PHACTR1: variants seen among roughly 807,000 people sequenced by gnomAD.
The protein encoded by PHACTR1 is RPEL repeat containing 1.
A neutral mutation model predicts 69.2 loss-of-function variants in PHACTR1; 16 were observed. The observed-to-expected ratio is 0.23, with a 90% CI of 0.16 to 0.35. PHACTR1 has a LOEUF of 0.35. Among genes scored for constraint, PHACTR1 ranks in the 10% least tolerant of loss-of-function variants. PHACTR1 has a pLI of 1.00. For synonymous variants in PHACTR1, 312 were observed against 284.5 expected, an observed-to-expected ratio of 1.10 and a Z score of -0.97; for missense variants, 510 against 734.7, an observed-to-expected ratio of 0.69 and a Z score of 3.54.
At chr6:12,843,606 A>G (rs895513475) in intron 4 of PHACTR1, among the ~76,000 whole-genome samples, 3 of 152,234 alleles carry the variant, frequency 2.0e-5, no homozygotes, top group East Asian at 3.8e-4. Context: ...ACCATGCATC[A>G]TAAATTGACA....
At chr6:12,901,612 AGCC>A (rs1785202935) in intron 4 of PHACTR1, among the ~76,000 whole-genome samples, 1 of 152,150 alleles carries the variant, frequency 6.6e-6, no homozygotes, top group African/African-American at 2.4e-5. Flanking sequence ...CTCCTGCCTC[AGCC>A]TCCCGAGTAG....
chr6:13,246,014 C>A lies in PHACTR1; in HGVS notation c.1391+15821C>A, dbSNP rs1321276188. ...TAGCCTTAATTTTACAGGTAAATGG[C>A]TGATAGAGGCTACACTACTAGCCAA... On this transcript the variant is annotated intron_variant, in intron 10 of 14. Coordinates refer to ENST00000332995, the MANE Select transcript of PHACTR1 (RefSeq NM_030948.6). The surrounding 1 kb of genome is among the most constrained non-coding windows in gnomAD (Gnocchi z 4.2). 6.6e-6 allele frequency among the ~76,000 whole-genome samples: 1 copy of A among 152,114 alleles called. No homozygotes were observed. The highest frequency in any genetic ancestry group is 6.6e-5 in the Admixed American group (1 of 15,266).
chr6:12,801,975 C>A (rs766347335), intron 4 of PHACTR1, among the ~76,000 whole-genome samples: 12 of 151,700 alleles, frequency 7.9e-5, no homozygotes, highest in African/African-American at 1.2e-4. Flanking sequence ...TATTGGTGGC[C>A]TCATCTGATT....
rs1414151380 is a variant in PHACTR1 at position 13,179,691 on chromosome 6, T to C, written c.497-2828T>C. Among the ~76,000 whole-genome samples, 1 of 135,616 alleles carries C rather than the reference T, an allele frequency of 7.4e-6. No homozygotes were observed. Among genetic ancestry groups the C allele is most frequent in the Non-Finnish European group, 1.6e-5 (1 of 63,048 alleles). 89.0% of individuals were successfully genotyped at this position (135,616 alleles called of 152,430 possible). On this transcript the variant is annotated intron_variant, in intron 6 of 14. Transcript: ENST00000332995. The surrounding 1 kb of genome is among the most constrained non-coding windows in gnomAD (Gnocchi z 4.2). ...ATAGGTAGGTAGGTAGGTAGATAGA[T>C]AAGTAGATAGAGATAGATAGATAGA...
At chr6:13,211,583 A>G (rs1023040318) in intron 8 of PHACTR1, among the ~76,000 whole-genome samples, 2 of 152,180 alleles carry the variant, frequency 1.3e-5, no homozygotes, top group South Asian at 4.1e-4. Flanking sequence ...TCCCTTCTCA[A>G]TTAAAGGCAA....
intron 7 of PHACTR1, among the ~76,000 whole-genome samples, chr6:13,200,834 G>A (rs74998429): frequency 0.015 from 2,326 of 151,720 alleles, 26 homozygotes; most frequent in Non-Finnish European, 0.023. Context: ...CCAGCTACTC[G>A]GAGGCTGAGG....
At chr6:13,068,875 G>A (rs1809070749) in intron 5 of PHACTR1, among the ~76,000 whole-genome samples, 1 of 152,226 alleles carries the variant, frequency 6.6e-6, no homozygotes, top group Non-Finnish European at 1.5e-5. Flanking sequence ...CAGAAGGCTC[G>A]AAAATAGAAG....
intron 3 of PHACTR1, among the ~76,000 whole-genome samples, chr6:12,726,961 T>G (rs961821109): frequency 3.9e-5 from 6 of 152,236 alleles, no homozygotes; most frequent in African/African-American, 1.4e-4. Flanking sequence ...GATGAGAATT[T>G]ATTTTTTATT....
intron 5 of PHACTR1, among the ~76,000 whole-genome samples, chr6:13,102,061 G>A (rs1318045944): frequency 1.3e-5 from 2 of 152,188 alleles, no homozygotes; most frequent in Non-Finnish European, 2.9e-5. Context: ...GCCAGAGGAT[G>A]CTTGTCAAAA....
intron 4 of PHACTR1, among the ~76,000 whole-genome samples, chr6:12,927,387 T>G (rs528802443): frequency 6.6e-6 from 1 of 152,112 alleles, no homozygotes; most frequent in South Asian, 2.1e-4. Flanking sequence ...GCAAAGATGA[T>G]CAGTTTTGGA....
intron 14 of PHACTR1, 27 bp downstream of exon 14, chr6:13,286,249 T>C (rs761815878): frequency 8.0e-6 from 12 of 1,494,266 alleles, no homozygotes; most frequent in Admixed American, 2.4e-5. Flanking sequence ...TTTTTTTTCC[T>C]TTTTTTCCCT....
chr6:12,903,295 A>G (rs577097667), intron 4 of PHACTR1, among the ~76,000 whole-genome samples: 6 of 152,228 alleles, frequency 3.9e-5, no homozygotes, highest in Non-Finnish European at 5.9e-5. Context: ...TAAAGGGTGG[A>G]TATTATTAAA....
intron 4 of PHACTR1, among the ~76,000 whole-genome samples, chr6:12,823,173 A>G (rs1427889326): frequency 6.6e-6 from 1 of 152,198 alleles, no homozygotes; most frequent in East Asian, 1.9e-4. Context: ...CTTACATTCT[A>G]CGTGCTTAGA....
intron 4 of PHACTR1, among the ~76,000 whole-genome samples, chr6:12,767,995 A>G (rs1768862015): frequency 6.6e-6 from 1 of 151,814 alleles, no homozygotes; most frequent in Non-Finnish European, 1.5e-5. Context: ...GCGCATTAGG[A>G]TAATTAGGTT....
At chr6:13,119,617 G>A (rs1189410527) in intron 5 of PHACTR1, among the ~76,000 whole-genome samples, 1 of 152,174 alleles carries the variant, frequency 6.6e-6, no homozygotes, top group East Asian at 1.9e-4. Context: ...TGTTGCTTTT[G>A]CATCTCTGCT....
chr6:12,815,948 C>T (rs950332454), intron 4 of PHACTR1, among the ~76,000 whole-genome samples: 1 of 152,154 alleles, frequency 6.6e-6, no homozygotes, highest in Admixed American at 6.5e-5. Context: ...TCAATATTTC[C>T]TGGGCATATA....
chr6:13,116,279 T>A (rs1275390856), intron 5 of PHACTR1, among the ~76,000 whole-genome samples: 1 of 152,246 alleles, frequency 6.6e-6, no homozygotes, highest in Non-Finnish European at 1.5e-5. Flanking sequence ...CACAGCCTTA[T>A]GCAGAGTGAT....
intron 4 of PHACTR1, among the ~76,000 whole-genome samples, chr6:13,028,567 G>C (rs185553124): frequency 6.6e-6 from 1 of 152,102 alleles, no homozygotes; most frequent in Non-Finnish European, 1.5e-5. Flanking sequence ...GGAATATTTC[G>C]GGTCAGCGTT....
intron 4 of PHACTR1, among the ~76,000 whole-genome samples, chr6:13,045,758 G>A (rs1433572070): frequency 6.6e-6 from 1 of 152,190 alleles, no homozygotes; most frequent in Non-Finnish European, 1.5e-5. Flanking sequence ...CCACTAAAGG[G>A]CAGCTCTGCC....
Sources: gnomAD v4.1 joint callset for allele counts (sites outside exome capture counted in the v4.1 genomes callset) on GRCh38, gnomAD v4.1.1 for gene constraint, Gnocchi (gnomAD v3.1) non-coding constraint, MANE v1.5 for transcripts, NCBI Gene and HGNC (gene_info 2026-07-23, HGNC 2026-07-21) for gene names.